Variants in CTNNA2 observed in about 807,000 individuals in gnomAD.
CTNNA2 encodes catenin alpha-2.
CTNNA2 carries 42 observed loss-of-function variants against 101.0 expected under a neutral mutation model. The ratio of observed to expected loss-of-function variants is 0.42; its 90% CI spans 0.32 to 0.54. The LOEUF (loss-of-function observed/expected upper bound fraction) is 0.54. CTNNA2 is among the 20% of genes least tolerant of loss of function. CTNNA2 has a pLI of 0.14. For missense variants in CTNNA2, 871 were observed against 1,223.1 expected (o/e 0.71, Z 4.29); for synonymous variants, 450 against 456.4 (o/e 0.99, Z 0.18).
chr2:79,678,340 G>A (rs1047699154), intron 2 of CTNNA2, among the ~76,000 whole-genome samples: 2 of 152,016 alleles, frequency 1.3e-5, no homozygotes, highest in Non-Finnish European at 2.9e-5. Flanking sequence ...TCAGGAGTTC[G>A]AGTACAGCCT....
intron 7 of CTNNA2, among the ~76,000 whole-genome samples, chr2:79,919,015 C>T (rs535335108): frequency 1.2e-4 from 19 of 152,264 alleles, no homozygotes; most frequent in Admixed American, 3.3e-4. Context: ...ACTTGGAAAG[C>T]AGGGCTGGGA....
intron 1 of CTNNA2, among the ~76,000 whole-genome samples, chr2:79,577,349 A>C (rs1293517350): frequency 6.6e-6 from 1 of 152,036 alleles, no homozygotes; most frequent in East Asian, 1.9e-4. Flanking sequence ...TTAGAAATTA[A>C]ACAATGTAAG....
intron 3 of CTNNA2, among the ~76,000 whole-genome samples, chr2:79,769,618 T>C (rs1471990755): frequency 6.6e-6 from 1 of 152,168 alleles, no homozygotes; most frequent in East Asian, 1.9e-4. Context: ...CTGGGCCTTG[T>C]TTTGAAGCTG....
chr2:80,387,628 T>C (rs1449456756), intron 7 of CTNNA2, among the ~76,000 whole-genome samples: 1 of 152,228 alleles, frequency 6.6e-6, no homozygotes, highest in Admixed American at 6.5e-5. Context: ...TTAATCCTTC[T>C]ATTTAAGGAC....
At chr2:79,790,934 T>A (rs746842335) in intron 3 of CTNNA2, among the ~76,000 whole-genome samples, 1 of 152,222 alleles carries the variant, frequency 6.6e-6, no homozygotes, top group Non-Finnish European at 1.5e-5. Context: ...GCAGATCATT[T>A]AGAACATAGA....
chr2:79,813,900 G>C (rs1385858456), intron 3 of CTNNA2, among the ~76,000 whole-genome samples: 4 of 152,274 alleles, frequency 2.6e-5, no homozygotes, highest in Non-Finnish European at 5.9e-5. Context: ...TTGAAGTCAA[G>C]GTGTTTGCAG....
intron 1 of CTNNA2, among the ~76,000 whole-genome samples, chr2:79,521,534 G>A (rs1672120803): frequency 6.6e-6 from 1 of 152,214 alleles, no homozygotes; most frequent in Non-Finnish European, 1.5e-5. Flanking sequence ...TGAATGATAG[G>A]CGCTTAGACT....
chr2:79,278,278 C>A lies in CTNNA2; in HGVS notation c.-405-34431C>A, dbSNP rs143052757. Among the ~76,000 whole-genome samples the A allele has an allele frequency of 7.4e-3, 1,119 of 152,184 alleles. 14 individuals are homozygous for A. Among genetic ancestry groups the A allele is most frequent in the African/African-American group, 0.025 (1,035 of 41,542 alleles). ...ACCCCAGGGACACTATTGGCAATTACCAATCAGGTCCAAACTGCACAAGAT... is the reference window on the plus strand; with the variant it reads ...ACCCCAGGGACACTATTGGCAATTAACAATCAGGTCCAAACTGCACAAGAT... On this transcript the variant is annotated intron_variant, in intron 2 of 21. Coordinates refer to the CTNNA2 transcript ENST00000466387.
At chr2:79,489,495 G>T (rs1479448396) in intron 4 of CTNNA2, among the ~76,000 whole-genome samples, 1 of 152,186 alleles carries the variant, frequency 6.6e-6, no homozygotes, top group East Asian at 1.9e-4. Flanking sequence ...ATCTAGGCTT[G>T]TACCCTCAGA....
chr2:79,485,369 T>G lies in CTNNA2; in HGVS notation c.-134-19685T>G, dbSNP rs113275194. Among the ~76,000 whole-genome samples the G allele has an allele frequency of 4.4e-3, 664 of 152,314 alleles. 3 individuals are homozygous for G. Among genetic ancestry groups the G allele is most frequent in the African/African-American group, 0.015 (616 of 41,558 alleles). On this transcript the variant is annotated intron_variant, in intron 4 of 21. Coordinates refer to the CTNNA2 transcript ENST00000466387. ...GAGCTTTTGAAGATTCACTTTAAAG[T>G]GTTGCTACTCATGCTTAACAAAAAT...
intron 18 of CTNNA2, among the ~76,000 whole-genome samples, chr2:80,637,672 G>A (rs546659047): frequency 4.3e-4 from 65 of 152,064 alleles, no homozygotes; most frequent in Admixed American, 7.2e-4. Context: ...AGGATCACAG[G>A]CTGCATGGGT....
intron 3 of CTNNA2, among the ~76,000 whole-genome samples, chr2:79,826,873 G>A (rs544418001): frequency 6.6e-6 from 1 of 152,066 alleles, no homozygotes; most frequent in Non-Finnish European, 1.5e-5. Context: ...GAAGATAATC[G>A]GATCACATCC....
intron 3 of CTNNA2, among the ~76,000 whole-genome samples, chr2:79,366,472 C>T (rs528351651): frequency 4.6e-5 from 7 of 152,102 alleles, no homozygotes; most frequent in Non-Finnish European, 1.0e-4. Context: ...CCTGCCAGGG[C>T]ACAGTGAATA....
chr2:79,368,466 C>T lies in CTNNA2; in HGVS notation c.-317-5365C>T. ...TCCTGGACATCTTCCCGGCATTTCACCATGTAGCTACTCCATAGCTGGACG... is the reference window on the plus strand; with the variant it reads ...TCCTGGACATCTTCCCGGCATTTCATCATGTAGCTACTCCATAGCTGGACG... On this transcript the variant is annotated intron_variant, in intron 3 of 21. Coordinates refer to the CTNNA2 transcript ENST00000466387. Among the ~76,000 whole-genome samples the T allele has an allele frequency of 1.3e-5, 2 of 152,194 alleles. 1 individual carries two copies. Among genetic ancestry groups the T allele is most frequent in the Non-Finnish European group, 2.9e-5 (2 of 68,040 alleles).
chr2:79,440,200 G>A (rs1023013060), intron 4 of CTNNA2, among the ~76,000 whole-genome samples: 7 of 151,822 alleles, frequency 4.6e-5, no homozygotes, highest in Non-Finnish European at 7.4e-5. Context: ...TTTGCATATT[G>A]GTATATGAGT....
chr2:79,885,858 G>T (rs1458112177), intron 6 of CTNNA2, among the ~76,000 whole-genome samples: 1 of 152,182 alleles, frequency 6.6e-6, no homozygotes, highest in African/African-American at 2.4e-5. Flanking sequence ...TTGGATTCAG[G>T]TATTGGCTAC....
intron 7 of CTNNA2, among the ~76,000 whole-genome samples, chr2:80,374,310 GT>G: frequency 6.6e-6 from 1 of 152,148 alleles, no homozygotes; most frequent in Admixed American, 6.5e-5. Context: ...AAAACATGTG[GT>G]TTTTGGTATC....
chr2:80,508,483 A>G (rs1688447157), intron 9 of CTNNA2, among the ~76,000 whole-genome samples: 1 of 152,056 alleles, frequency 6.6e-6, no homozygotes, highest in Admixed American at 6.6e-5. Context: ...GACTGTCTCA[A>G]AAAATATGAC....
chr2:80,144,358 G>T (rs1210532203), intron 7 of CTNNA2, among the ~76,000 whole-genome samples: 1 of 152,140 alleles, frequency 6.6e-6, no homozygotes, highest in African/African-American at 2.4e-5. Context: ...GAACTTGTGA[G>T]TTTATAAAAA....
Sources: allele counts gnomAD v4.1 joint callset (sites outside exome capture counted in the v4.1 genomes callset), GRCh38; gene constraint gnomAD v4.1.1; transcripts MANE v1.5; gene names NCBI Gene and HGNC (gene_info 2026-07-23, HGNC 2026-07-21).